Variants in VWC2L observed in about 807,000 individuals in gnomAD.
VWC2L encodes von Willebrand factor C domain-containing protein 2-like.
A neutral mutation model predicts 21.6 loss-of-function variants in VWC2L; 10 were observed. The ratio of observed to expected loss-of-function variants is 0.46; its 90% confidence interval spans 0.29 to 0.78. The LOEUF (loss-of-function observed/expected upper bound fraction) is 0.78. Ranked by LOEUF, VWC2L falls within the 30% of genes least tolerant of loss-of-function variation. VWC2L has a pLI of 0.10. For missense variants in VWC2L, 209 were observed against 277.1 expected (o/e 0.75, Z 1.74); for synonymous variants, 96 against 94.3 (o/e 1.02, Z -0.10).
chr2:214,569,189 G>C (rs1690112612), intron 3 of VWC2L, among the ~76,000 whole-genome samples: 1 of 152,162 alleles, frequency 6.6e-6, no homozygotes, highest in African/African-American at 2.4e-5. Context: ...GAGGGCTCTA[G>C]TCTTTGTCTG....
chr2:214,567,571 C>CAGAGAGAGAGAG (rs1559333772), intron 3 of VWC2L, among the ~76,000 whole-genome samples: 1 of 141,288 alleles, frequency 7.1e-6, no homozygotes, highest in African/African-American at 2.7e-5. Context: ...CACACACACA[C>CAGAGAGAGAGAG]ACACACACAC....
chr2:214,569,859 G>A (rs1275220882), intron 3 of VWC2L, among the ~76,000 whole-genome samples: 1 of 152,130 alleles, frequency 6.6e-6, no homozygotes, highest in Non-Finnish European at 1.5e-5. Context: ...ATCATGTGAT[G>A]TTTAATGCTT....
intron 3 of VWC2L, among the ~76,000 whole-genome samples, chr2:214,522,037 A>T (rs189365200): frequency 1.3e-5 from 2 of 152,350 alleles, no homozygotes; most frequent in East Asian, 3.9e-4. Context: ...CTTCATTACG[A>T]AAGTCCAGAT....
At chr2:214,443,036 G>A (rs1031714485) in intron 3 of VWC2L, among the ~76,000 whole-genome samples, 6 of 152,090 alleles carry the variant, frequency 3.9e-5, no homozygotes, top group African/African-American at 1.2e-4. Flanking sequence ...ATAATGAAGA[G>A]TCTAATATCA....
At chr2:214,420,894 A>C (rs1702428056) in intron 2 of VWC2L, among the ~76,000 whole-genome samples, 1 of 152,208 alleles carries the variant, frequency 6.6e-6, no homozygotes, top group Non-Finnish European at 1.5e-5. Flanking sequence ...AGTGAGTTAA[A>C]AGGAATGCCT....
chr2:214,491,245 T>A (rs997461520), intron 3 of VWC2L, among the ~76,000 whole-genome samples: 1 of 152,206 alleles, frequency 6.6e-6, no homozygotes, highest in Non-Finnish European at 1.5e-5. Flanking sequence ...GGGGGATGTT[T>A]TAATTTTCAA....
chr2:214,551,879 C>T (rs1689800092), intron 3 of VWC2L, among the ~76,000 whole-genome samples: 1 of 152,250 alleles, frequency 6.6e-6, no homozygotes, highest in Admixed American at 6.5e-5. Context: ...ACTCTAACTG[C>T]ATGCACTCAC....
intron 3 of VWC2L, among the ~76,000 whole-genome samples, chr2:214,509,730 G>A (rs1048445417): frequency 2.0e-5 from 3 of 152,150 alleles, no homozygotes; most frequent in Admixed American, 1.3e-4. Flanking sequence ...CAGAATTCCA[G>A]CAATAACTTT....
chr2:214,457,744 T>A (rs1301476710), intron 3 of VWC2L, among the ~76,000 whole-genome samples: 2 of 152,138 alleles, frequency 1.3e-5, no homozygotes, highest in Non-Finnish European at 2.9e-5. Flanking sequence ...TCACAATCAT[T>A]CTTTTGATAT....
At chr2:214,495,124 T>C (rs1688794706) in intron 3 of VWC2L, among the ~76,000 whole-genome samples, 1 of 149,574 alleles carries the variant, frequency 6.7e-6, no homozygotes, top group Admixed American at 6.6e-5. Context: ...TTATATTGAT[T>C]TGACTTTAAA....
intron 2 of VWC2L, among the ~76,000 whole-genome samples, chr2:214,431,933 T>G (rs1702606088): frequency 6.6e-6 from 1 of 152,198 alleles, no homozygotes; most frequent in Non-Finnish European, 1.5e-5. Context: ...TTACCTGTGA[T>G]CTGCATGATG....
chr2:214,541,360 T>G (rs751844732), intron 3 of VWC2L, among the ~76,000 whole-genome samples: 4 of 152,194 alleles, frequency 2.6e-5, no homozygotes, highest in Non-Finnish European at 4.4e-5. Context: ...ACACTAGACA[T>G]ATGTCCTTTT....
intron 3 of VWC2L, among the ~76,000 whole-genome samples, chr2:214,553,620 G>C (rs1481464316): frequency 6.6e-6 from 1 of 152,050 alleles, no homozygotes; most frequent in East Asian, 1.9e-4. Context: ...AATGTTTTTT[G>C]TTTTATTTTG....
intron 3 of VWC2L, among the ~76,000 whole-genome samples, chr2:214,513,806 G>A (rs913698239): frequency 6.6e-6 from 1 of 152,056 alleles, no homozygotes; most frequent in East Asian, 1.9e-4. Flanking sequence ...CCCCTCACAA[G>A]TGCTCAGTCT....
chr2:214,542,900 C>A (rs563232400), intron 3 of VWC2L, among the ~76,000 whole-genome samples: 1 of 152,240 alleles, frequency 6.6e-6, no homozygotes, highest in African/African-American at 2.4e-5. Context: ...TTCATTCAAG[C>A]AAATATTTAT....
chr2:214,460,144 G>A lies in VWC2L; in HGVS notation c.520+23386G>A, dbSNP rs539373624. 4.3e-4 allele frequency among the ~76,000 whole-genome samples: 65 copies of A among 151,954 alleles called. 2 individuals carry two copies. Among genetic ancestry groups the A allele is most frequent in the African/African-American group, 1.4e-3 (60 of 41,460 alleles). On this transcript the variant is annotated intron_variant, in intron 3 of 3. Transcript: ENST00000312504. ...TTTCACTCCTGACCTCAGGTGATCC[G>A]CCTGCCTCAGCCTCTTAAAATCCTG...
intron 3 of VWC2L, among the ~76,000 whole-genome samples, chr2:214,479,323 T>C (rs1688568587): frequency 6.6e-6 from 1 of 152,334 alleles, no homozygotes; most frequent in Non-Finnish European, 1.5e-5. Flanking sequence ...TGTTTATCTT[T>C]TTAATGACCA....
At chr2:214,526,428 C>T (rs994037833) in intron 3 of VWC2L, among the ~76,000 whole-genome samples, 10 of 152,084 alleles carry the variant, frequency 6.6e-5, no homozygotes, top group East Asian at 1.9e-4. Context: ...TGGCATTTTT[C>T]GATTCGTTCA....
chr2:214,525,131 A>G (rs1689312515), intron 3 of VWC2L: 1 of 151,940 alleles, frequency 6.6e-6, no homozygotes, highest in South Asian at 2.1e-4. Context: ...TTTTTGCACT[A>G]ACTGAAAAAC....
Sources: gnomAD v4.1 joint callset for allele counts (sites outside exome capture counted in the v4.1 genomes callset) on GRCh38, gnomAD v4.1.1 for gene constraint, MANE v1.5 for transcripts, NCBI Gene and HGNC (gene_info 2026-07-23, HGNC 2026-07-21) for gene names.